Variants in NCAM2 observed in about 807,000 individuals in gnomAD.
NCAM2 encodes the protein neural cell adhesion molecule 2, also known as N-CAM-2.
A neutral mutation model predicts 98.1 loss-of-function variants in NCAM2; 30 were observed. The observed-to-expected ratio is 0.31, with a 90% confidence interval of 0.23 to 0.41. NCAM2 has a LOEUF of 0.41. Among genes scored for constraint, NCAM2 ranks in the 10% least tolerant of loss-of-function variants. NCAM2 has a pLI of 1.00. For missense variants in NCAM2, 867 were observed against 1,005.8 expected (o/e 0.86, Z 1.87); for synonymous variants, 368 against 342.4 (o/e 1.07, Z -0.83).
chr21:21,382,971 A>G (rs1471857162), intron 9 of NCAM2, among the ~76,000 whole-genome samples: 3 of 152,180 alleles, frequency 2.0e-5, no homozygotes, highest in Non-Finnish European at 2.9e-5. Context: ...CACCTCATAA[A>G]TGATAAGCAA....
chr21:21,213,581 A>G (rs60960647), intron 1 of NCAM2, among the ~76,000 whole-genome samples: 2 of 152,294 alleles, frequency 1.3e-5, no homozygotes, highest in East Asian at 3.9e-4. Flanking sequence ...GTCACATTAC[A>G]GCGTTTTTAT....
chr21:21,134,360 G>A (rs1273302402), intron 1 of NCAM2, among the ~76,000 whole-genome samples: 3 of 152,054 alleles, frequency 2.0e-5, no homozygotes. Flanking sequence ...ATGAGCCACT[G>A]TGCCTGGCCA....
chr21:21,235,681 A>C (rs910923175), intron 1 of NCAM2, among the ~76,000 whole-genome samples: 2 of 152,084 alleles, frequency 1.3e-5, no homozygotes, highest in African/African-American at 4.8e-5. Context: ...ACTGAAATGC[A>C]TAGAAGCTGT....
At position 21,351,765 on chromosome 21, in the gene NCAM2, TAGAC is replaced by T. The variant is rs753154407; in HGVS notation, c.1044+13235_1044+13238del. On this transcript the variant is annotated intron_variant, in intron 8 of 17. Transcript: ENST00000400546. ...TCTGTTTTGTTTTGTTTTGTTTTGT[TAGAC>T]AGAGTCTAGCTCTGTTGCCCAAGCC... Among the ~76,000 whole-genome samples, 88 of 152,276 alleles carry T rather than the reference TAGAC, an allele frequency of 5.8e-4. 1 individual carries two copies. In the South Asian group the frequency reaches 6.2e-3, roughly 11 times the overall value.
At chr21:21,245,236 T>TA (rs2071218874) in intron 1 of NCAM2, among the ~76,000 whole-genome samples, 1 of 152,214 alleles carries the variant, frequency 6.6e-6, no homozygotes, top group South Asian at 2.1e-4. Flanking sequence ...GGTCAACTAT[T>TA]ATCAACTTCT....
intron 1 of NCAM2, among the ~76,000 whole-genome samples, chr21:21,079,823 A>G (rs939201327): frequency 5.9e-5 from 9 of 152,308 alleles, no homozygotes; most frequent in African/African-American, 2.2e-4. Flanking sequence ...CATCTGGGCA[A>G]CACTGTGCCT....
intron 1 of NCAM2, among the ~76,000 whole-genome samples, chr21:21,149,646 T>C (rs2067388685): frequency 6.6e-6 from 1 of 152,034 alleles, no homozygotes; most frequent in Non-Finnish European, 1.5e-5. Flanking sequence ...AACTCCCACT[T>C]ATCAGTGAGC....
intron 15 of NCAM2, among the ~76,000 whole-genome samples, chr21:21,489,139 C>T (rs977020819): frequency 4.0e-5 from 6 of 151,702 alleles, no homozygotes; most frequent in African/African-American, 7.3e-5. Context: ...TGCTACTAGG[C>T]GTGCAGCCAC....
chr21:21,052,602 T>C (rs1054395014), intron 1 of NCAM2, among the ~76,000 whole-genome samples: 1 of 152,146 alleles, frequency 6.6e-6, no homozygotes, highest in African/African-American at 2.4e-5. Context: ...CATCTCTTTC[T>C]TTAGACCCAA....
intron 15 of NCAM2, among the ~76,000 whole-genome samples, chr21:21,493,346 T>C (rs1028235937): frequency 1.3e-5 from 2 of 151,886 alleles, no homozygotes; most frequent in African/African-American, 2.4e-5. Flanking sequence ...TCCATGCAGG[T>C]AATAGAGATA....
chr21:21,007,550 A>G (rs928021585), intron 1 of NCAM2, among the ~76,000 whole-genome samples: 1 of 152,134 alleles, frequency 6.6e-6, no homozygotes, highest in African/African-American at 2.4e-5. Flanking sequence ...GGGGTGGGCA[A>G]TTCCTGAAAC....
At chr21:21,245,692 G>A (rs1027086074) in intron 1 of NCAM2, among the ~76,000 whole-genome samples, 2 of 152,134 alleles carry the variant, frequency 1.3e-5, no homozygotes, top group African/African-American at 4.8e-5. Context: ...TTCATAAACT[G>A]TTTGTTTCAT....
At chr21:21,289,160 A>G (rs1467360688) in intron 4 of NCAM2, among the ~76,000 whole-genome samples, 3 of 151,952 alleles carry the variant, frequency 2.0e-5, no homozygotes, top group Admixed American at 6.6e-5. Flanking sequence ...CATTAAAAAA[A>G]CTGATTAAAA....
chr21:21,276,228 C>T (rs1185525915), intron 1 of NCAM2, among the ~76,000 whole-genome samples: 1 of 152,042 alleles, frequency 6.6e-6, no homozygotes, highest in Non-Finnish European at 1.5e-5. Context: ...CTCCCAAATA[C>T]ATCTTAAACC....
At chr21:21,385,846 T>G (rs1397269959) in intron 9 of NCAM2, 1 of 162,624 alleles carries the variant, frequency 6.1e-6, no homozygotes, top group East Asian at 1.9e-4. Context: ...CTTAATTATT[T>G]TATGTATAAA....
At chr21:21,472,753 A>G (rs549019184) in intron 14 of NCAM2, among the ~76,000 whole-genome samples, 1 of 152,078 alleles carries the variant, frequency 6.6e-6, no homozygotes, top group Admixed American at 6.6e-5. Context: ...ATGAATAGGA[A>G]AATTAGATTT....
chr21:21,461,050 T>G (rs979197548), intron 12 of NCAM2, among the ~76,000 whole-genome samples: 15 of 151,906 alleles, frequency 9.9e-5, no homozygotes, highest in Non-Finnish European at 2.1e-4. Context: ...TCTGACATCA[T>G]GAAGATATTT....
rs537452783 is a variant in NCAM2 at position 21,374,252 on chromosome 21, CT to C, written c.1195+246del. ...ATTGCTTTTCCTGAAAATGGTCTTTCTTTTTTTGCAACATTGAACTCAAAAC... is the reference window on the plus strand; with the variant it reads ...ATTGCTTTTCCTGAAAATGGTCTTTCTTTTTTGCAACATTGAACTCAAAAC... On this transcript the variant is annotated intron_variant, in intron 9 of 17. Transcript: ENST00000400546. 2.2e-3 allele frequency among the ~76,000 whole-genome samples: 334 copies of C among 151,724 alleles called. 2 individuals are homozygous for C. Among genetic ancestry groups the C allele is most frequent in the Non-Finnish European group, 3.5e-3 (234 of 67,784 alleles).
In NCAM2 at chr21:21,355,510, G is replaced by A. The variant is rs1476561681; in HGVS notation, c.1044+16976G>A. ...GAGAGAAAGAAAGAAAAGAAATAAG[G>A]GAGGGAGAGAGGGAGGAGGGAGGGA... is the stretch of plus-strand genomic sequence containing the variant. On this transcript the variant is annotated intron_variant, in intron 8 of 17. Coordinates refer to ENST00000400546, the MANE Select transcript of NCAM2 (RefSeq NM_004540.5). 1.2e-4 allele frequency among the ~76,000 whole-genome samples: 12 copies of A among 98,562 alleles called. No homozygotes were observed. The East Asian group carries it at 4.9e-3, about 40-fold the overall frequency. 64.7% of individuals were successfully genotyped at this position (98,562 alleles called of 152,430 possible).
Sources: gnomAD v4.1 joint callset for allele counts (sites outside exome capture counted in the v4.1 genomes callset) on GRCh38, gnomAD v4.1.1 for gene constraint, MANE v1.5 for transcripts, NCBI Gene and HGNC (gene_info 2026-07-23, HGNC 2026-07-21) for gene names.